HPSE2: variants seen among roughly 807,000 people sequenced by gnomAD.
The protein encoded by HPSE2 is heparanase 2 (inactive).
In HPSE2, 38 loss-of-function variants were observed where a neutral mutation model predicts 60.5. The ratio of observed to expected loss-of-function variants is 0.63; its 90% CI spans 0.48 to 0.82. The LOEUF (loss-of-function observed/expected upper bound fraction) is 0.82, where lower values mean the gene tolerates loss of function less well. HPSE2 is among the 40% of genes least tolerant of loss of function. The pLI, the probability that HPSE2 is intolerant of heterozygous loss-of-function variation, is 0.00. For synonymous variants in HPSE2, 295 were observed against 293.2 expected (o/e 1.01, Z -0.06); for missense variants, 713 against 740.4 (o/e 0.96, Z 0.43).
At chr10:99,020,025 A>G (rs1957227992) in intron 3 of HPSE2, among the ~76,000 whole-genome samples, 1 of 152,026 alleles carries the variant, frequency 6.6e-6, no homozygotes, top group Admixed American at 6.6e-5. Flanking sequence ...TCAGTTTTAT[A>G]CTAAAGAGGA....
intron 3 of HPSE2, among the ~76,000 whole-genome samples, chr10:98,983,254 A>C (rs1956250582): frequency 6.6e-6 from 1 of 152,196 alleles, no homozygotes; most frequent in Non-Finnish European, 1.5e-5. Flanking sequence ...ATGTAGAATC[A>C]GTGGGAGCCC....
intron 3 of HPSE2, among the ~76,000 whole-genome samples, chr10:99,081,064 G>A (rs570530613): frequency 2.0e-5 from 3 of 152,288 alleles, no homozygotes; most frequent in East Asian, 1.9e-4. Context: ...AAAGTGCTGG[G>A]ATTACAGGGG....
At chr10:98,839,779 G>A (rs1215205903) in intron 3 of HPSE2, among the ~76,000 whole-genome samples, 1 of 152,088 alleles carries the variant, frequency 6.6e-6, no homozygotes, top group Middle Eastern at 3.2e-3. Context: ...GCACATCTGT[G>A]GATCCCATAA....
At chr10:98,735,852 T>C (rs935397625) in intron 4 of HPSE2, among the ~76,000 whole-genome samples, 12 of 152,230 alleles carry the variant, frequency 7.9e-5, no homozygotes, top group Non-Finnish European at 1.6e-4. Flanking sequence ...GCTTTTGATT[T>C]TACAGGCTCA....
intron 3 of HPSE2, among the ~76,000 whole-genome samples, chr10:98,845,558 A>G (rs1478772466): frequency 6.6e-6 from 1 of 152,244 alleles, no homozygotes; most frequent in South Asian, 2.1e-4. Context: ...TAAAAATGTT[A>G]TGAGCAATGG....
the HPSE2 span, among the ~76,000 whole-genome samples, chr10:99,259,487 A>C: frequency 2.0e-5 from 3 of 152,210 alleles, no homozygotes; most frequent in African/African-American, 7.2e-5. Context: ...TTAAACAGAT[A>C]CTTTGCCAAA....
intron 5 of HPSE2, among the ~76,000 whole-genome samples, chr10:98,696,884 C>T (rs534833999): frequency 6.6e-6 from 1 of 152,292 alleles, no homozygotes; most frequent in African/African-American, 2.4e-5. Flanking sequence ...CCCCAGTGAA[C>T]CGCAGCAGCC....
chr10:98,725,348 A>C (rs1477834132), intron 4 of HPSE2, among the ~76,000 whole-genome samples: 1 of 152,190 alleles, frequency 6.6e-6, no homozygotes, highest in Non-Finnish European at 1.5e-5. Flanking sequence ...ATCTTCAACC[A>C]TCTGATCTTT....
intron 3 of HPSE2, among the ~76,000 whole-genome samples, chr10:99,081,393 C>T (rs1323341728): frequency 6.6e-6 from 1 of 152,136 alleles, no homozygotes; most frequent in African/African-American, 2.4e-5. Context: ...AGCCTATATG[C>T]TGAATTGAGA....
At chr10:98,964,003 A>T (rs575932108) in intron 3 of HPSE2, among the ~76,000 whole-genome samples, 51 of 152,318 alleles carry the variant, frequency 3.3e-4, no homozygotes, top group African/African-American at 1.2e-3. Flanking sequence ...AATGCAAGTC[A>T]ATGGGAAAAA....
intron 3 of HPSE2, among the ~76,000 whole-genome samples, chr10:98,803,037 A>T (rs1413634216): frequency 2.0e-5 from 3 of 149,310 alleles, no homozygotes; most frequent in African/African-American, 7.4e-5. Context: ...ATGGTATCTC[A>T]TTGTGGTTTT....
At chr10:98,920,705 TTA>T (rs1954258504) in intron 3 of HPSE2, among the ~76,000 whole-genome samples, 1 of 152,334 alleles carries the variant, frequency 6.6e-6, no homozygotes, top group South Asian at 2.1e-4. Context: ...TTGAATTAAA[TTA>T]AACTTCCCAT....
At chr10:98,833,271 T>C (rs1316481663) in intron 3 of HPSE2, among the ~76,000 whole-genome samples, 2 of 152,172 alleles carry the variant, frequency 1.3e-5, no homozygotes, top group Non-Finnish European at 2.9e-5. Flanking sequence ...TCTTCCTGAA[T>C]ATCTTATTCT....
At chr10:98,867,838 C>T (rs1419310228) in intron 3 of HPSE2, among the ~76,000 whole-genome samples, 1 of 151,950 alleles carries the variant, frequency 6.6e-6, no homozygotes, top group East Asian at 1.9e-4. Flanking sequence ...GGCAGGCCAA[C>T]TACCTGAGGT....
At chr10:99,239,253 T>G (rs1449253032), upstream of HPSE2, among the ~76,000 whole-genome samples, 2 of 152,088 alleles carry the variant, frequency 1.3e-5, no homozygotes, top group Non-Finnish European at 2.9e-5. Context: ...CTCTGCTTAG[T>G]GTCTACTGAA....
At chr10:98,509,456 TTGAC>T (rs1942313255) in intron 9 of HPSE2, among the ~76,000 whole-genome samples, 1 of 152,162 alleles carries the variant, frequency 6.6e-6, no homozygotes. Flanking sequence ...GATTTGGTGA[TTGAC>T]TGGATATACA....
Position 99,010,280 on chromosome 10 carries a change from G to C in HPSE2, c.610+133958C>G, listed in dbSNP as rs149319843. On this transcript the variant is annotated intron_variant, in intron 3 of 11. Coordinates refer to ENST00000370552, the MANE Select transcript of HPSE2 (RefSeq NM_021828.5). Reference sequence around the variant, plus strand: ...TCCTTTAGCATAAAACATTATAAAAGGTAAATAAAACATACTTGGGGAAAA... The same window carrying C: ...TCCTTTAGCATAAAACATTATAAAACGTAAATAAAACATACTTGGGGAAAA... Among the ~76,000 whole-genome samples the C allele has an allele frequency of 6.8e-4, 104 of 152,114 alleles. 1 individual carries two copies. Among genetic ancestry groups the C allele is most frequent in the African/African-American group, 2.4e-3 (101 of 41,480 alleles).
chr10:98,910,821 T>C (rs1953957572), intron 3 of HPSE2, among the ~76,000 whole-genome samples: 1 of 152,108 alleles, frequency 6.6e-6, no homozygotes, highest in Non-Finnish European at 1.5e-5. Context: ...CATTTGTGGA[T>C]TGAAAAAAAA....
At chr10:98,520,635 G>A (rs778082959) in intron 9 of HPSE2, among the ~76,000 whole-genome samples, 2 of 152,130 alleles carry the variant, frequency 1.3e-5, no homozygotes, top group African/African-American at 2.4e-5. Flanking sequence ...ATGGCTTTTA[G>A]GACATTTTCA....
Sources: gnomAD v4.1 joint callset for allele counts (sites outside exome capture counted in the v4.1 genomes callset) on GRCh38, gnomAD v4.1.1 for gene constraint, MANE v1.5 for transcripts, NCBI Gene and HGNC (gene_info 2026-07-23, HGNC 2026-07-21) for gene names.